The following AKNAD1 variants were observed in gnomAD, a reference collection of about 807,000 sequenced individuals.
The protein encoded by AKNAD1 is protein AKNAD1.
AKNAD1 carries 67 observed loss-of-function variants against 90.8 expected under a neutral mutation model. The ratio of observed to expected loss-of-function variants is 0.74; its 90% CI spans 0.61 to 0.90. The LOEUF is 0.90. AKNAD1 is among the 40% of genes least tolerant of loss of function. The probability of loss-of-function intolerance (pLI) is 0.00; values close to 1 mark genes in which losing one functional copy is unlikely to be tolerated. For synonymous variants in AKNAD1, 327 were observed against 341.4 expected (o/e 0.96, Z 0.46); for missense variants, 957 against 975.4 (o/e 0.98, Z 0.25).
chr1:108,835,170 C>A, intron 7 of AKNAD1, 114 bp from the exon 8 acceptor site: 1 of 1,198,110 alleles, frequency 8.3e-7, no homozygotes, highest in Non-Finnish European at 1.1e-6. Context: ...TCCTGCCTGG[C>A]GTCCCCCCAC....
At chr1:108,817,497 ATT>A (rs10681740) in intron 14 of AKNAD1, 89 of 60,338 alleles carry the variant, frequency 1.5e-3, no homozygotes, top group African/African-American at 5.2e-3. Flanking sequence ...TTTTTTTTTA[ATT>A]TTTTTTTTTT....
At chr1:108,839,478 A>AAAAAGAAAAAAAAAAAAAAAAAAG (rs1557833674) in intron 6 of AKNAD1, among the ~76,000 whole-genome samples, 12 of 151,782 alleles carry the variant, frequency 7.9e-5, no homozygotes, top group African/African-American at 2.9e-4. Context: ...CAATAAAAAA[A>AAAAAGAAAAAAAAAAAAAAAAAAG]AAAAGAAAAG....
intron 6 of AKNAD1, among the ~76,000 whole-genome samples, chr1:108,841,984 G>A (rs925080730): frequency 6.6e-6 from 1 of 152,064 alleles, no homozygotes; most frequent in Non-Finnish European, 1.5e-5. Flanking sequence ...GTCTTAATGT[G>A]CACAGAAACC....
Position 108,816,166 on chromosome 1 carries a change from T to C in AKNAD1, c.*5A>G, listed in dbSNP as rs1481731594. 1.3e-5 allele frequency: 21 copies of C among 1,595,060 alleles called. No individual in the cohort carries two copies. The highest frequency in any genetic ancestry group is 4.1e-5 in the African/African-American group (3 of 74,012). On this transcript the variant is annotated 3_prime_UTR_variant, in exon 16 of 16. Transcript: ENST00000370001. ...CTTTTGAATCCTTGGTAGCCTAGCGTTGAACTAGTATTTCAGTCGATTCCT... is the reference window on the plus strand; with the variant it reads ...CTTTTGAATCCTTGGTAGCCTAGCGCTGAACTAGTATTTCAGTCGATTCCT...
At position 108,851,992 on chromosome 1, in the gene AKNAD1, G is replaced by A. The variant is rs1261836045; in HGVS notation, c.673C>T (p.Gln225Ter). ...LTKTKGPGDK[Q>*]KSYQGQSPQK... ...GGTGACTGCCCTTGATAACTTTTTT[G>A]TTTATCACCTGGACCCTTGGTTTTA... is the stretch of plus-strand genomic sequence containing the variant. The change falls in exon 2 of 16, where the codon CAA becomes TAA. Residue 225 changes from glutamine to a stop codon, truncating the protein, a stop_gained. Transcript: ENST00000370001. LOFTEE classifies it high-confidence loss of function. The A allele has an allele frequency of 6.2e-7, 1 of 1,613,950 alleles. No individual in the cohort carries two copies. The highest frequency in any genetic ancestry group is 8.5e-7 in the Non-Finnish European group (1 of 1,179,972).
At chr1:108,829,636 CA>C (rs1182618621) in intron 10 of AKNAD1, among the ~76,000 whole-genome samples, 3 of 152,126 alleles carry the variant, frequency 2.0e-5, no homozygotes, top group Non-Finnish European at 4.4e-5. Context: ...TTTCTTTTTT[CA>C]GGGGTGGACA....
intron 10 of AKNAD1, among the ~76,000 whole-genome samples, chr1:108,827,783 C>T (rs1221291294): frequency 7.1e-6 from 1 of 141,466 alleles, no homozygotes; most frequent in African/African-American, 2.6e-5. Context: ...CACTGCACTC[C>T]AGCCTGGGTG....
At chr1:108,841,267 G>C (rs887453993) in intron 6 of AKNAD1, among the ~76,000 whole-genome samples, 1 of 152,052 alleles carries the variant, frequency 6.6e-6, no homozygotes, top group African/African-American at 2.4e-5. Context: ...TGGGTTCAAG[G>C]ACCATGGCTA....
intron 2 of AKNAD1, 81 bp from the exon 3 acceptor site, chr1:108,849,657 G>C: frequency 9.6e-7 from 1 of 1,045,280 alleles, no homozygotes; most frequent in Non-Finnish European, 1.5e-6. Flanking sequence ...AACATGTTCT[G>C]TCATCATAGA....
At position 108,849,594 on chromosome 1, in the gene AKNAD1, A is replaced by G. The variant is rs1330981664; in HGVS notation, c.994-18T>C. The G allele has an allele frequency of 6.3e-7, 1 of 1,575,178 alleles. No individual in the cohort carries two copies. Among genetic ancestry groups the G allele is most frequent in the Non-Finnish European group, 8.7e-7 (1 of 1,144,714 alleles). ...GGCTCCATCTGCACAATTAAAGGGT[A>G]AGAAAACGTTACTGTCGATATTGAT... is the stretch of plus-strand genomic sequence containing the variant. On this transcript the variant is annotated intron_variant, in intron 2 of 15. Transcript: ENST00000370001.
At chr1:108,844,377 CAT>C (rs35559697) in intron 5 of AKNAD1, among the ~76,000 whole-genome samples, 35,517 of 144,440 alleles carry the variant, frequency 0.25, 4,633 homozygotes, top group African/African-American at 0.37. Flanking sequence ...TCTCTCTCTC[CAT>C]ATATATATAT....
chr1:108,852,820 A>G (rs563076777), intron 1 of AKNAD1, 53 bp from the exon 2 acceptor site: 14 of 588,604 alleles, frequency 2.4e-5, no homozygotes, highest in Admixed American at 3.7e-5. Flanking sequence ...TAATGTATAC[A>G]ACTATGCCAG....
intron 1 of AKNAD1, among the ~76,000 whole-genome samples, 196 bp from the exon 2 acceptor site, chr1:108,852,963 GA>G (rs537045146): frequency 0.1 from 15,071 of 144,186 alleles, 829 homozygotes; most frequent in African/African-American, 0.15. Context: ...AGGAATGGGG[GA>G]AAAAAAAAAA....
chr1:108,849,666 G>C (rs1196563228), intron 2 of AKNAD1, 90 bp from the exon 3 acceptor site: 3 of 954,722 alleles, frequency 3.1e-6, no homozygotes, highest in Non-Finnish European at 5.0e-6. Context: ...TGTCATCATA[G>C]AGGGAGCCCA....
chr1:108,818,205 CCCTCACAGCTT>C (rs1211954217), intron 14 of AKNAD1, among the ~76,000 whole-genome samples: 1 of 152,190 alleles, frequency 6.6e-6, no homozygotes, highest in African/African-American at 2.4e-5. Context: ...CATAGAGCCA[CCCTCACAGCTT>C]CCTCCGGCTT....
At chr1:108,837,419 T>C (rs1007369421) in intron 7 of AKNAD1, 131 bp downstream of exon 7, 2 of 858,276 alleles carry the variant, frequency 2.3e-6, no homozygotes, top group Non-Finnish European at 1.8e-6. Flanking sequence ...ATATAATTCA[T>C]GGGACTTTGG....
At chr1:108,857,475 TG>T (rs1352465991), upstream of AKNAD1, 1 of 152,796 alleles carries the variant, frequency 6.5e-6, no homozygotes, top group Non-Finnish European at 1.5e-5. Context: ...AGGCCAAAGA[TG>T]GTCAGCGAAT....
intron 6 of AKNAD1, among the ~76,000 whole-genome samples, chr1:108,838,485 G>A (rs1664448028): frequency 6.6e-6 from 1 of 152,016 alleles, no homozygotes; most frequent in Non-Finnish European, 1.5e-5. Context: ...GTACTCTGAG[G>A]AAAACTTCTA....
chr1:108,856,745 A>G (rs7519107), intron 1 of AKNAD1, among the ~76,000 whole-genome samples, 184 bp downstream of exon 1: 1 of 151,078 alleles, frequency 6.6e-6, no homozygotes, highest in South Asian at 2.1e-4. Flanking sequence ...CACACACACA[A>G]ACACACACAC....
Sources: gnomAD v4.1 joint callset for allele counts (sites outside exome capture counted in the v4.1 genomes callset) on GRCh38, gnomAD v4.1.1 for gene constraint, MANE v1.5 for transcripts, NCBI Gene and HGNC (gene_info 2026-07-23, HGNC 2026-07-21) for gene names.